ADGRB3: variants seen among roughly 807,000 people sequenced by gnomAD.
ADGRB3 encodes the protein adhesion G protein-coupled receptor B3.
Under a neutral mutation model 193.4 loss-of-function variants are expected in ADGRB3, and 37 were observed. The ratio of observed to expected loss-of-function variants is 0.19; its 90% confidence interval spans 0.15 to 0.25. ADGRB3 has a LOEUF of 0.25. Ranked by LOEUF, ADGRB3 falls within the 10% of genes least tolerant of loss-of-function variation. The pLI is 1.00. For missense variants in ADGRB3, 1,637 were observed against 1,852.9 expected, an observed-to-expected ratio of 0.88 and a Z score of 2.14; for synonymous variants, 690 against 644.2, an observed-to-expected ratio of 1.07 and a Z score of -1.08.
At chr6:69,101,499 G>A (rs1447808695) in intron 17 of ADGRB3, among the ~76,000 whole-genome samples, 1 of 142,970 alleles carries the variant, frequency 7.0e-6, no homozygotes, top group Non-Finnish European at 1.5e-5. Context: ...AATACAAGAA[G>A]CTGAATTGAA....
At chr6:68,992,912 T>A (rs28647450) in intron 10 of ADGRB3, among the ~76,000 whole-genome samples, 16 of 32,666 alleles carry the variant, frequency 4.9e-4, no homozygotes, top group Non-Finnish European at 1.1e-3. Context: ...TTATTTCATT[T>A]TTTTTTAGTT....
At chr6:69,323,497 A>C (rs1768506500) in intron 20 of ADGRB3, among the ~76,000 whole-genome samples, 1 of 152,088 alleles carries the variant, frequency 6.6e-6, no homozygotes, top group South Asian at 2.1e-4. Flanking sequence ...GGAAGTTTTC[A>C]AGTATTCCAT....
chr6:68,767,614 C>G (rs1337550536), intron 3 of ADGRB3, among the ~76,000 whole-genome samples: 4 of 152,098 alleles, frequency 2.6e-5, no homozygotes, highest in African/African-American at 9.7e-5. Flanking sequence ...GGAAGCATTC[C>G]CTTTGAAAAC....
intron 21 of ADGRB3, 69 bp from the exon 22 acceptor site, chr6:69,327,751 G>A: frequency 1.5e-6 from 2 of 1,368,290 alleles, no homozygotes; most frequent in Admixed American, 2.0e-5. Flanking sequence ...GTTTGTTCTG[G>A]CTTTTCTTAG....
intron 15 of ADGRB3, among the ~76,000 whole-genome samples, chr6:69,057,240 T>C (rs1340036154): frequency 2.6e-5 from 4 of 152,154 alleles, no homozygotes; most frequent in Admixed American, 1.3e-4. Context: ...GTTAATTTTC[T>C]TGCATTCTGC....
intron 30 of ADGRB3, among the ~76,000 whole-genome samples, chr6:69,380,035 T>G: frequency 6.6e-6 from 1 of 152,130 alleles, no homozygotes; most frequent in Middle Eastern, 3.4e-3. Context: ...CTTTTTAGAC[T>G]TTCATAGCAA....
At chr6:69,218,329 C>T (rs1387255819) in intron 17 of ADGRB3, among the ~76,000 whole-genome samples, 2 of 152,050 alleles carry the variant, frequency 1.3e-5, no homozygotes, top group African/African-American at 4.8e-5. Flanking sequence ...CCCCTCATAT[C>T]ATAATTTTAT....
At chr6:69,254,083 C>T (rs1473829547) in intron 20 of ADGRB3, among the ~76,000 whole-genome samples, 1 of 152,090 alleles carries the variant, frequency 6.6e-6, no homozygotes, top group Non-Finnish European at 1.5e-5. Context: ...GCACAAGGAC[C>T]AGAATGTATG....
intron 20 of ADGRB3, among the ~76,000 whole-genome samples, chr6:69,265,441 G>T (rs1767020240): frequency 1.3e-5 from 2 of 151,772 alleles, no homozygotes; most frequent in Non-Finnish European, 2.9e-5. Flanking sequence ...CAACCTTGCA[G>T]GTCCTGTTCT....
At chr6:68,772,812 G>C (rs535406395) in intron 3 of ADGRB3, among the ~76,000 whole-genome samples, 2 of 145,186 alleles carry the variant, frequency 1.4e-5, no homozygotes, top group African/African-American at 5.0e-5. Context: ...GAGCCCAGGA[G>C]TTTAAGACCA....
At chr6:68,730,893 C>T (rs966101082) in intron 3 of ADGRB3, among the ~76,000 whole-genome samples, 8 of 151,650 alleles carry the variant, frequency 5.3e-5, no homozygotes, top group Non-Finnish European at 1.2e-4. Flanking sequence ...AGAAAGTGCG[C>T]TGCTCTCTAG....
intron 3 of ADGRB3, among the ~76,000 whole-genome samples, chr6:68,783,157 T>C (rs1028200705): frequency 1.3e-5 from 2 of 151,508 alleles, no homozygotes; most frequent in African/African-American, 4.8e-5. Context: ...ACTCCTATTT[T>C]ACAGATGATA....
intron 3 of ADGRB3, among the ~76,000 whole-genome samples, chr6:68,877,472 TA>T (rs1480414397): frequency 5.3e-5 from 8 of 152,114 alleles, no homozygotes; most frequent in African/African-American, 1.9e-4. Flanking sequence ...CATATTCACA[TA>T]AGGCTACTTT....
intron 20 of ADGRB3, among the ~76,000 whole-genome samples, chr6:69,304,006 C>G (rs1458910059): frequency 6.6e-6 from 1 of 151,830 alleles, no homozygotes; most frequent in Non-Finnish European, 1.5e-5. Context: ...CCACCTTATA[C>G]TTTTAATTGC....
intron 3 of ADGRB3, among the ~76,000 whole-genome samples, chr6:68,853,450 G>C (rs1451690110): frequency 1.3e-5 from 2 of 151,966 alleles, no homozygotes; most frequent in Admixed American, 6.6e-5. Flanking sequence ...ATTCTTAGCT[G>C]TCTAGGTAAA....
chr6:68,911,172 A>G (rs1766695592), intron 3 of ADGRB3, among the ~76,000 whole-genome samples: 1 of 151,260 alleles, frequency 6.6e-6, no homozygotes, highest in African/African-American at 2.4e-5. Context: ...CAAGGACAAA[A>G]AACCAAACAC....
intron 3 of ADGRB3, among the ~76,000 whole-genome samples, chr6:68,831,864 A>G (rs1298199028): frequency 1.3e-5 from 2 of 152,132 alleles, no homozygotes; most frequent in East Asian, 3.9e-4. Flanking sequence ...GAGTGGCAAA[A>G]TCTGTTTCAG....
intron 8 of ADGRB3, among the ~76,000 whole-genome samples, chr6:68,963,548 T>C (rs1004830552): frequency 6.6e-6 from 1 of 152,174 alleles, no homozygotes; most frequent in Non-Finnish European, 1.5e-5. Flanking sequence ...ATTTATGATA[T>C]ATATTTTAAT....
At chr6:69,202,768 C>G (rs914245660) in intron 17 of ADGRB3, among the ~76,000 whole-genome samples, 2 of 152,042 alleles carry the variant, frequency 1.3e-5, no homozygotes, top group African/African-American at 4.8e-5. Context: ...TTTGAGAAAT[C>G]AGATACTTTA....
Sources: gnomAD v4.1 joint callset for allele counts (sites outside exome capture counted in the v4.1 genomes callset) on GRCh38, gnomAD v4.1.1 for gene constraint, MANE v1.5 for transcripts, NCBI Gene and HGNC (gene_info 2026-07-23, HGNC 2026-07-21) for gene names.